The following DNAH14 variants were observed in gnomAD, a reference collection of about 807,000 sequenced individuals.
DNAH14 encodes dynein axonemal heavy chain 14.
Under a neutral mutation model 520.9 loss-of-function variants are expected in DNAH14, and 478 were observed. The observed-to-expected ratio is 0.92, with a 90% confidence interval of 0.85 to 0.99. The LOEUF (loss-of-function observed/expected upper bound fraction) is 0.99, where lower values mean the gene tolerates loss of function less well. Among genes scored for constraint, DNAH14 ranks in the 50% least tolerant of loss-of-function variants. DNAH14 has a pLI of 0.00. For synonymous variants in DNAH14, 1,581 were observed against 1,757.2 expected (o/e 0.90, Z 2.51); for missense variants, 4,831 against 5,234.5 (o/e 0.92, Z 2.38).
intron 58 of DNAH14, among the ~76,000 whole-genome samples, chr1:225,305,568 A>G (rs955609174): frequency 1.2e-4 from 19 of 152,146 alleles, no homozygotes; most frequent in African/African-American, 4.6e-4. Flanking sequence ...TTGAGAAACT[A>G]TCTTATGACA....
chr1:225,082,997 G>A (rs966667676), intron 20 of DNAH14, among the ~76,000 whole-genome samples: 1 of 151,982 alleles, frequency 6.6e-6, no homozygotes, highest in Admixed American at 6.6e-5. Flanking sequence ...GATAAAATTA[G>A]TGTTTCATTA....
chr1:225,272,047 A>G lies in DNAH14; in HGVS notation c.7813A>G (p.Met2605Val). Residue 2605 changes from methionine to valine, a missense_variant, in exon 51 of 86, where the codon ATG (methionine) becomes GTG (valine). Met to Val is a conservative substitution (Grantham distance 21). Coordinates refer to ENST00000682510, the MANE Select transcript of DNAH14 (RefSeq NM_001367479.1). ...MLPTPTKCHYMFNLRDMFKLL... is the reference protein window; with the variant it reads ...MLPTPTKCHYVFNLRDMFKLL... ...ACCAACTCCAACAAAATGTCACTAC[A>G]TGTTTAATCTTCGAGATATGTTTAA... 6.5e-7 allele frequency: 1 copy of G among 1,549,944 alleles called. No individual in the cohort carries two copies. The highest frequency in any genetic ancestry group is 8.7e-7 in the Non-Finnish European group (1 of 1,146,394).
chr1:224,960,181 AC>A lies in DNAH14; in HGVS notation c.247del (p.His83IlefsTer47). 6.2e-7 allele frequency: 1 copy of A among 1,601,642 alleles called. No individual in the cohort carries two copies. Among genetic ancestry groups the A allele is most frequent in the Non-Finnish European group, 8.5e-7 (1 of 1,175,836 alleles). On this transcript the variant is annotated frameshift_variant, in exon 4 of 86. Transcript: ENST00000682510. LOFTEE classifies it high-confidence loss of function. The part of the protein sequence containing the change: ...DYLRESIIQQ[H>X]MVSPEPASLK... ...ACCTTAGAGAAAGTATAATTCAACA[AC>A]ATATGGTTTCTCCAGAGCCAGCTTC...
In DNAH14 at chr1:225,321,063, T is replaced by C. The variant is rs190553038; in HGVS notation, c.9336-1601T>C. On this transcript the variant is annotated intron_variant, in intron 61 of 85. Transcript: ENST00000682510. ...CTTTTCTCTTTTTCTAGTTCCTCTG[T>C]TATCTTTCCCATTATTTCAAAAAGG... 1.3e-3 allele frequency among the ~76,000 whole-genome samples: 191 copies of C among 152,358 alleles called. 3 individuals are homozygous for C. Among genetic ancestry groups the C allele is most frequent in the African/African-American group, 4.3e-3 (180 of 41,594 alleles).
At position 225,309,486 on chromosome 1, in the gene DNAH14, C is replaced by A. The variant is rs554216438; in HGVS notation, c.9240+1076C>A. ...AATAGGGGAGGCCCCATTCCTGAGC[C>A]TTCTCAGATGGGGAGCTTCCCCTCT... On this transcript the variant is annotated intron_variant, in intron 60 of 85. Coordinates refer to ENST00000682510, the MANE Select transcript of DNAH14 (RefSeq NM_001367479.1). Among the ~76,000 whole-genome samples, 104 of 152,294 alleles carry A rather than the reference C, an allele frequency of 6.8e-4. 1 individual carries two copies. The highest frequency in any genetic ancestry group is 2.5e-3 in the African/African-American group (102 of 41,560).
chr1:225,063,400 G>T (rs1356320490), intron 17 of DNAH14, among the ~76,000 whole-genome samples: 3 of 151,830 alleles, frequency 2.0e-5, no homozygotes, highest in African/African-American at 2.4e-5. Context: ...ATTTTTTATT[G>T]TTATAATTTT....
At position 225,331,435 on chromosome 1, in the gene DNAH14, A is replaced by G. The variant is rs772918737; in HGVS notation, c.9724-2A>G. On this transcript the variant is annotated splice_acceptor_variant, in intron 64 of 85. Coordinates refer to ENST00000682510, the MANE Select transcript of DNAH14 (RefSeq NM_001367479.1). LOFTEE classifies it high-confidence loss of function. ...CTCAATAATGAATTAATTATCTTTC[A>G]GGTTGAAGAACATTTGCTGTTTTTA... is the stretch of plus-strand genomic sequence containing the variant. 2.6e-6 allele frequency: 4 copies of G among 1,548,568 alleles called. No individual in the cohort carries two copies. The African/African-American group carries it at 4.1e-5, about 16-fold the overall frequency.
At chr1:224,985,476 G>C (rs903064226) in intron 8 of DNAH14, among the ~76,000 whole-genome samples, 3 of 152,100 alleles carry the variant, frequency 2.0e-5, no homozygotes, top group Non-Finnish European at 2.9e-5. Context: ...GAAGAGCTGG[G>C]TGGGGGTGAG....
chr1:225,296,227 A>G (rs751084818), intron 55 of DNAH14, among the ~76,000 whole-genome samples: 11 of 152,114 alleles, frequency 7.2e-5, no homozygotes, highest in Non-Finnish European at 1.6e-4. Context: ...GCCAGTCTAT[A>G]TCTTTTCTTA....
intron 19 of DNAH14, among the ~76,000 whole-genome samples, chr1:225,082,197 T>TGTGTGTGC (rs374597749): frequency 6.6e-6 from 1 of 151,692 alleles, no homozygotes; most frequent in African/African-American, 2.4e-5. Context: ...TGTGTGTGTG[T>TGTGTGTGC]GCACATGCGC....
At chr1:225,181,195 A>G (rs1369944424) in intron 36 of DNAH14, among the ~76,000 whole-genome samples, 3 of 152,148 alleles carry the variant, frequency 2.0e-5, no homozygotes, top group Non-Finnish European at 4.4e-5. Context: ...TTTATGGTGT[A>G]TATTTGTGAC....
chr1:225,197,808 G>A (rs2086350238), intron 38 of DNAH14, among the ~76,000 whole-genome samples: 2 of 152,114 alleles, frequency 1.3e-5, no homozygotes, highest in African/African-American at 2.4e-5. Flanking sequence ...AGTGTAAAAG[G>A]TGTTGAGTTC....
chr1:225,313,017 G>A (rs1161675099), intron 60 of DNAH14, among the ~76,000 whole-genome samples: 2 of 152,166 alleles, frequency 1.3e-5, no homozygotes, highest in Admixed American at 6.5e-5. Context: ...AGAAGAAATG[G>A]TACCAGCTCC....
intron 55 of DNAH14, among the ~76,000 whole-genome samples, chr1:225,290,526 C>T (rs2093843852): frequency 6.6e-6 from 1 of 150,834 alleles, no homozygotes; most frequent in African/African-American, 2.4e-5. Context: ...CTCCATTACT[C>T]TTCTGCTCTA....
intron 69 of DNAH14, among the ~76,000 whole-genome samples, chr1:225,345,583 G>A (rs1042277414): frequency 3.9e-5 from 6 of 152,184 alleles, no homozygotes; most frequent in East Asian, 1.9e-4. Flanking sequence ...AATAAATCAC[G>A]TAAAATAATG....
intron 38 of DNAH14, among the ~76,000 whole-genome samples, chr1:225,196,723 G>T (rs1477318833): frequency 3.9e-5 from 6 of 152,084 alleles, no homozygotes; most frequent in African/African-American, 1.4e-4. Context: ...GAATAAAGTG[G>T]TATTGTATTG....
intron 27 of DNAH14, 40 bp from the exon 28 acceptor site, chr1:225,140,728 T>TATAG: frequency 2.3e-6 from 3 of 1,308,350 alleles, no homozygotes; most frequent in Non-Finnish European, 3.2e-6. Context: ...TATATATATA[T>TATAG]AGAGAGAGAT....
rs914375675 is a variant in DNAH14 at position 225,374,947 on chromosome 1, A to AT, written c.12516+65dup. On this transcript the variant is annotated intron_variant, in intron 78 of 85. Coordinates refer to ENST00000682510, the MANE Select transcript of DNAH14 (RefSeq NM_001367479.1). ...ATTTTAAAGTAAACATTGTTGCTTTATTTAAAATACATATTTAAATAAATT... is the reference window on the plus strand; with the variant it reads ...ATTTTAAAGTAAACATTGTTGCTTTATTTTAAAATACATATTTAAATAAATT... The AT allele has an allele frequency of 2.2e-6, 3 of 1,373,732 alleles. No individual in the cohort carries two copies. The African/African-American group carries it at 4.4e-5, about 20-fold the overall frequency. 85.1% of individuals were successfully genotyped at this position (1,373,732 alleles called of 1,614,324 possible). A position where few individuals can be genotyped will look rare whatever the true frequency, so the allele number is the denominator to read the frequency against.
At chr1:225,315,978 T>A (rs1347420617) in intron 60 of DNAH14, among the ~76,000 whole-genome samples, 1 of 152,200 alleles carries the variant, frequency 6.6e-6, no homozygotes, top group Non-Finnish European at 1.5e-5. Flanking sequence ...AGGTGCTCTG[T>A]CCCAGGCAGA....
Sources: gnomAD v4.1 joint callset for allele counts (sites outside exome capture counted in the v4.1 genomes callset) on GRCh38, gnomAD v4.1.1 for gene constraint, MANE v1.5 for transcripts, NCBI Gene and HGNC (gene_info 2026-07-23, HGNC 2026-07-21) for gene names.